SHQ1: variants seen among roughly 807,000 people sequenced by gnomAD.
SHQ1 encodes the protein protein SHQ1 homolog.
A neutral mutation model predicts 53.8 loss-of-function variants in SHQ1; 49 were observed. That is an observed-to-expected ratio of 0.91 (90% CI 0.72 to 1.16). SHQ1 has a LOEUF of 1.16. SHQ1 is among the 50% of genes most tolerant of loss of function. The pLI, the probability that SHQ1 is intolerant of heterozygous loss-of-function variation, is 0.00. For missense variants in SHQ1, 738 were observed against 683.1 expected, an observed-to-expected ratio of 1.08 and a Z score of -0.90; for synonymous variants, 243 against 251.0, an observed-to-expected ratio of 0.97 and a Z score of 0.30.
At chr3:72,807,742 C>A (rs1706995166) in intron 9 of SHQ1, among the ~76,000 whole-genome samples, 1 of 152,186 alleles carries the variant, frequency 6.6e-6, no homozygotes, top group Admixed American at 6.5e-5. Flanking sequence ...AAAAATTGAT[C>A]AGTCACAAGC....
the SHQ1 span, among the ~76,000 whole-genome samples, chr3:72,728,894 T>A: frequency 6.6e-6 from 1 of 152,198 alleles, no homozygotes; most frequent in African/African-American, 2.4e-5. Context: ...TGAGGCTCCT[T>A]GACGCTCAGA....
At chr3:72,835,116 T>C (rs1474098170) in intron 4 of SHQ1, among the ~76,000 whole-genome samples, 2 of 151,364 alleles carry the variant, frequency 1.3e-5, no homozygotes, top group East Asian at 1.9e-4. Context: ...CTTTTTTTTT[T>C]TTTTTTTTGA....
chr3:72,817,951 G>T (rs1488456628), intron 6 of SHQ1, among the ~76,000 whole-genome samples: 1 of 151,938 alleles, frequency 6.6e-6, no homozygotes, highest in Non-Finnish European at 1.5e-5. Flanking sequence ...GGAAAAGATT[G>T]TTTCTTTACA....
the SHQ1 span, among the ~76,000 whole-genome samples, chr3:72,734,099 G>A: frequency 2.7e-4 from 41 of 151,210 alleles, no homozygotes; most frequent in Non-Finnish European, 4.9e-4. Context: ...AACAGAGGTT[G>A]CAGTGAGCCG....
At chr3:72,782,909 C>G (rs1015425450) in intron 10 of SHQ1, among the ~76,000 whole-genome samples, 3 of 152,302 alleles carry the variant, frequency 2.0e-5, no homozygotes, top group African/African-American at 7.2e-5. Context: ...GAAAATTCTA[C>G]GTGAAGTAGA....
intron 10 of SHQ1, among the ~76,000 whole-genome samples, chr3:72,775,625 T>C (rs1476173717): frequency 6.6e-6 from 1 of 152,162 alleles, no homozygotes; most frequent in Non-Finnish European, 1.5e-5. Context: ...TTCCCATACA[T>C]ACCCTCTTCC....
intron 10 of SHQ1, among the ~76,000 whole-genome samples, chr3:72,761,225 G>A (rs376707999): frequency 1.3e-5 from 2 of 151,992 alleles, no homozygotes; most frequent in African/African-American, 4.8e-5. Context: ...AGGCTGGAGT[G>A]CAGTGGCTCA....
chr3:72,767,968 C>T lies in SHQ1; in HGVS notation c.1182-17132G>A, dbSNP rs114685123. ...TATAAGTGCTTTGCTCCTTTCATTC[C>T]TTGTCAGGGAGTCTGGGTGGTTTTT... On this transcript the variant is annotated intron_variant, in intron 10 of 10. Coordinates refer to ENST00000325599, the MANE Select transcript of SHQ1 (RefSeq NM_018130.3). Among the ~76,000 whole-genome samples the T allele has an allele frequency of 4.6e-3, 707 of 152,192 alleles. 2 individuals are homozygous for T. Among genetic ancestry groups the T allele is most frequent in the African/African-American group, 0.015 (617 of 41,514 alleles).
At chr3:72,837,999 T>C (rs1421556693) in intron 4 of SHQ1, among the ~76,000 whole-genome samples, 3 of 152,246 alleles carry the variant, frequency 2.0e-5, no homozygotes, top group African/African-American at 7.2e-5. Flanking sequence ...CTCAGCACAG[T>C]GCTATCCAAA....
At chr3:72,788,285 C>CTGG (rs2106780268) in intron 10 of SHQ1, among the ~76,000 whole-genome samples, 1 of 151,570 alleles carries the variant, frequency 6.6e-6, no homozygotes, top group East Asian at 1.9e-4. Context: ...TCTGCCCAGC[C>CTGG]GCCCAGTCTG....
chr3:72,738,285 A>G, the SHQ1 span, among the ~76,000 whole-genome samples: 13 of 152,172 alleles, frequency 8.5e-5, no homozygotes, highest in African/African-American at 3.1e-4. Context: ...CCCCTGCTGA[A>G]AACGAGGCAA....
At position 72,750,384 on chromosome 3, in the gene SHQ1, T is replaced by G; in HGVS notation, c.1634A>C (p.Gln545Pro). ...SGPLIEELGE[Q>P]LKTTVQVSEP... ...AGAAACCTGAACTGTAGTCTTCAGT[T>G]GTTCCCCAAGCTCCTCTATCAGAGG... The change falls in exon 11 of 11, where the codon CAA becomes CCA. Residue 545 changes from glutamine to proline, a missense_variant. By Grantham distance (76) the Gln-to-Pro change is moderately conservative (BLOSUM62 -1). Transcript: ENST00000325599. 6.2e-7 allele frequency: 1 copy of G among 1,614,172 alleles called. No individual in the cohort carries two copies.
intron 5 of SHQ1, among the ~76,000 whole-genome samples, chr3:72,828,594 T>C (rs1050447384): frequency 1.3e-5 from 2 of 151,836 alleles, no homozygotes; most frequent in African/African-American, 2.4e-5. Context: ...CTCAGGAGGC[T>C]GAGGCGGGAG....
intron 1 of SHQ1, among the ~76,000 whole-genome samples, chr3:72,847,770 C>T (rs1319969618): frequency 6.6e-6 from 1 of 152,058 alleles, no homozygotes; most frequent in African/African-American, 2.4e-5. Flanking sequence ...AGAAGGCGGC[C>T]TGGGCAAAGT....
intron 5 of SHQ1, among the ~76,000 whole-genome samples, chr3:72,826,170 T>C (rs1707650106): frequency 1.3e-5 from 2 of 152,204 alleles, no homozygotes. Flanking sequence ...AAGTACATAT[T>C]AGACAAAACT....
downstream of SHQ1, among the ~76,000 whole-genome samples, chr3:72,748,329 CAAAAAAAAAAA>C (rs572927520): frequency 7.3e-3 from 427 of 58,680 alleles, no homozygotes; most frequent in African/African-American, 0.019. Context: ...ATGAGGCATG[CAAAAAAAAAAA>C]AAAAAAAAAA....
chr3:72,830,990 A>G (rs1205078733), intron 5 of SHQ1, among the ~76,000 whole-genome samples: 1 of 152,178 alleles, frequency 6.6e-6, no homozygotes, highest in African/African-American at 2.4e-5. Context: ...TGTAAAGTTC[A>G]TTCTGTTTTT....
chr3:72,748,940 G>C (rs994856928), downstream of SHQ1, among the ~76,000 whole-genome samples: 1 of 150,184 alleles, frequency 6.7e-6, no homozygotes, highest in East Asian at 1.9e-4. Context: ...GGGAGACAGC[G>C]TAAGACCCTG....
At chr3:72,765,557 A>ATATATATATATTTTT (rs1491527508) in intron 10 of SHQ1, among the ~76,000 whole-genome samples, 10 of 57,186 alleles carry the variant, frequency 1.7e-4, no homozygotes, top group African/African-American at 7.9e-4. Flanking sequence ...ATATATATAT[A>ATATATATATATTTTT]TTTTTTTTTT....
Sources: allele counts gnomAD v4.1 joint callset (sites outside exome capture counted in the v4.1 genomes callset), GRCh38; gene constraint gnomAD v4.1.1; transcripts MANE v1.5; gene names NCBI Gene and HGNC (gene_info 2026-07-23, HGNC 2026-07-21).